MTHFD1L: variants seen among roughly 807,000 people sequenced by gnomAD.
MTHFD1L encodes the protein methylenetetrahydrofolate dehydrogenase (NADP+ dependent) 1 like.
In MTHFD1L, 81 loss-of-function variants were observed where a neutral mutation model predicts 119.5. The observed-to-expected ratio is 0.68, with a 90% CI of 0.57 to 0.82. The LOEUF (loss-of-function observed/expected upper bound fraction) is 0.82. Among genes scored for constraint, MTHFD1L ranks in the 40% least tolerant of loss-of-function variants. MTHFD1L has a pLI of 0.00. For missense variants in MTHFD1L, 1,125 were observed against 1,253.4 expected, an observed-to-expected ratio of 0.90 and a Z score of 1.55; for synonymous variants, 430 against 475.2, an observed-to-expected ratio of 0.90 and a Z score of 1.24.
At chr6:151,008,161 A>G (rs1053203047) in intron 20 of MTHFD1L, among the ~76,000 whole-genome samples, 1 of 152,220 alleles carries the variant, frequency 6.6e-6, no homozygotes, top group African/African-American at 2.4e-5. Context: ...ATGTTCAGTA[A>G]CAGGGGGAAC....
chr6:150,890,009 A>T, intron 7 of MTHFD1L, among the ~76,000 whole-genome samples: 1 of 152,070 alleles, frequency 6.6e-6, no homozygotes, highest in Non-Finnish European at 1.5e-5. Context: ...ATATAAAATT[A>T]GCTGGATGTG....
chr6:150,882,171 C>G (rs1781486611), intron 4 of MTHFD1L, among the ~76,000 whole-genome samples: 1 of 152,138 alleles, frequency 6.6e-6, no homozygotes, highest in African/African-American at 2.4e-5. Context: ...TAGTGTTTCC[C>G]ATAAAAGGAG....
chr6:150,976,906 A>G (rs923403144), intron 20 of MTHFD1L, among the ~76,000 whole-genome samples: 4 of 152,250 alleles, frequency 2.6e-5, no homozygotes, highest in African/African-American at 9.6e-5. Context: ...AAAATGAACA[A>G]ATGATTTAGC....
intron 20 of MTHFD1L, among the ~76,000 whole-genome samples, chr6:150,981,495 T>C (rs972790092): frequency 1.3e-5 from 2 of 152,190 alleles, no homozygotes; most frequent in Admixed American, 6.5e-5. Flanking sequence ...TTTCTTGGTA[T>C]TTTTTATGTG....
At chr6:151,090,371 A>G (rs759597100) in intron 26 of MTHFD1L, among the ~76,000 whole-genome samples, 19 of 152,226 alleles carry the variant, frequency 1.2e-4, no homozygotes, top group Admixed American at 6.5e-5. Context: ...GGCTGAGGCC[A>G]CATTGTGCAG....
At chr6:150,888,197 C>T (rs1332959181) in intron 7 of MTHFD1L, among the ~76,000 whole-genome samples, 2 of 152,174 alleles carry the variant, frequency 1.3e-5, no homozygotes, top group African/African-American at 4.8e-5. Context: ...AAACAAAGAA[C>T]AGATCATTCT....
At chr6:150,900,699 C>A (rs1157705051) in intron 7 of MTHFD1L, among the ~76,000 whole-genome samples, 1 of 152,236 alleles carries the variant, frequency 6.6e-6, no homozygotes, top group Non-Finnish European at 1.5e-5. Context: ...TGTAGCCCAA[C>A]CTGACAGCTT....
intron 7 of MTHFD1L, among the ~76,000 whole-genome samples, chr6:150,895,009 C>T (rs1210115304): frequency 6.6e-6 from 1 of 152,182 alleles, no homozygotes; most frequent in East Asian, 1.9e-4. Context: ...AACGCCTGGG[C>T]ATTTGTCCAA....
At chr6:151,066,551 G>A (rs945444709) in intron 26 of MTHFD1L, among the ~76,000 whole-genome samples, 6 of 151,346 alleles carry the variant, frequency 4.0e-5, no homozygotes, top group Non-Finnish European at 5.9e-5. Context: ...GGATCACGAG[G>A]TCAGGAGATT....
Position 150,962,011 on chromosome 6 carries a change from T to C in MTHFD1L, c.1944+1596T>C, listed in dbSNP as rs149078344. ...TTATTTATTTATTTTGTTTTTGAGA[T>C]GGAGTTTCGCTCTTGTTGCCCAGGC... On this transcript the variant is annotated intron_variant, in intron 18 of 27. Transcript: ENST00000367321. Among the ~76,000 whole-genome samples, 1,449 of 152,300 alleles carry C rather than the reference T, an allele frequency of 9.5e-3. 30 individuals carry two copies. The highest frequency in any genetic ancestry group is 0.033 in the African/African-American group (1,373 of 41,564).
intron 20 of MTHFD1L, among the ~76,000 whole-genome samples, chr6:151,008,075 C>G (rs917325794): frequency 6.6e-6 from 1 of 151,992 alleles, no homozygotes; most frequent in Non-Finnish European, 1.5e-5. Context: ...ATTCCAAGAA[C>G]GTAATTTGAA....
In MTHFD1L at chr6:150,926,958, G is replaced by C. The variant is rs534531952; in HGVS notation, c.1256+663G>C. 4.5e-4 allele frequency among the ~76,000 whole-genome samples: 68 copies of C among 152,228 alleles called. No individual in the cohort carries two copies. The highest frequency in any genetic ancestry group is 1.6e-3 in the African/African-American group (65 of 41,546). The stretch of plus-strand genomic sequence containing the variant: ...CAAATATTTATTCAGTGTGACCTGA[G>C]GGAACATCATGAGACCATATAAATT... On this transcript the variant is annotated intron_variant, in intron 11 of 27. Transcript: ENST00000367321. The surrounding 1 kb of genome is among the most constrained non-coding windows in gnomAD (Gnocchi z 4.3).
chr6:150,977,118 A>G (rs1776695145), intron 20 of MTHFD1L, among the ~76,000 whole-genome samples: 1 of 152,190 alleles, frequency 6.6e-6, no homozygotes, highest in African/African-American at 2.4e-5. Flanking sequence ...GCTGTGAGAG[A>G]CAAGAACTTC....
intron 7 of MTHFD1L, among the ~76,000 whole-genome samples, chr6:150,892,509 G>A (rs988680616): frequency 6.6e-6 from 1 of 152,034 alleles, no homozygotes; most frequent in East Asian, 1.9e-4. Flanking sequence ...TAAGTCCTTG[G>A]TATTTATAGT....
chr6:151,024,693 G>A (rs117009113), intron 24 of MTHFD1L, among the ~76,000 whole-genome samples: 3,331 of 152,272 alleles, frequency 0.022, 57 homozygotes, highest in Non-Finnish European at 0.032. Flanking sequence ...GCCGGGCATC[G>A]TGGTGCGTGC....
At chr6:150,889,965 C>T (rs145074129) in intron 7 of MTHFD1L, among the ~76,000 whole-genome samples, 11 of 151,910 alleles carry the variant, frequency 7.2e-5, no homozygotes, top group South Asian at 2.1e-4. Context: ...AAGACCAGCC[C>T]GACCAACATG....
chr6:150,941,946 A>T (rs187056851), intron 13 of MTHFD1L, among the ~76,000 whole-genome samples: 23 of 152,340 alleles, frequency 1.5e-4, no homozygotes, highest in African/African-American at 5.3e-4. Context: ...CCAATAATCA[A>T]GTAAATAAAT....
At chr6:150,891,475 A>G (rs1233952097) in intron 7 of MTHFD1L, among the ~76,000 whole-genome samples, 1 of 148,136 alleles carries the variant, frequency 6.8e-6, no homozygotes, top group East Asian at 1.9e-4. Context: ...TAATATATAT[A>G]TTTAGGTCAG....
chr6:150,940,291 G>C (rs560466195), intron 13 of MTHFD1L, among the ~76,000 whole-genome samples: 1 of 152,144 alleles, frequency 6.6e-6, no homozygotes, highest in South Asian at 2.1e-4. Context: ...CTGAGTGTCA[G>C]GGAAGCTAAA....
Sources: gnomAD v4.1 joint callset for allele counts (sites outside exome capture counted in the v4.1 genomes callset) on GRCh38, gnomAD v4.1.1 for gene constraint, Gnocchi (gnomAD v3.1) non-coding constraint, MANE v1.5 for transcripts, NCBI Gene and HGNC (gene_info 2026-07-23, HGNC 2026-07-21) for gene names.